LRRC4C: variants seen among roughly 807,000 people sequenced by gnomAD.
LRRC4C encodes leucine-rich repeat-containing protein 4C.
LRRC4C carries 5 observed loss-of-function variants against 33.6 expected under a neutral mutation model. The observed-to-expected ratio is 0.15, with a 90% confidence interval of 0.08 to 0.31. The LOEUF (loss-of-function observed/expected upper bound fraction) is 0.31. LRRC4C is among the 10% of genes least tolerant of loss of function. The pLI, the probability that LRRC4C is intolerant of heterozygous loss-of-function variation, is 1.00. For missense variants in LRRC4C, 560 were observed against 796.7 expected (o/e 0.70, Z 3.58); for synonymous variants, 329 against 302.0 (o/e 1.09, Z -0.93).
At chr11:40,190,778 A>G (rs1160855374) in intron 5 of LRRC4C, among the ~76,000 whole-genome samples, 2 of 152,170 alleles carry the variant, frequency 1.3e-5, no homozygotes, top group Non-Finnish European at 2.9e-5. Context: ...GTCTAGCCTG[A>G]GTCAGAGAAT....
intron 1 of LRRC4C, among the ~76,000 whole-genome samples, chr11:41,021,210 A>AGTGT (rs1429047906): frequency 7.5e-6 from 1 of 133,510 alleles, no homozygotes; most frequent in African/African-American, 2.8e-5. Flanking sequence ...AGAGAGAGAG[A>AGTGT]GAGAGTGTGT....
chr11:40,565,383 TG>T (rs1957715276), intron 3 of LRRC4C, among the ~76,000 whole-genome samples: 1 of 152,204 alleles, frequency 6.6e-6, no homozygotes, highest in African/African-American at 2.4e-5. Context: ...AATTTCAAGA[TG>T]TACTGTAGAG....
At chr11:40,547,410 G>T (rs547622695) in intron 3 of LRRC4C, among the ~76,000 whole-genome samples, 2 of 152,012 alleles carry the variant, frequency 1.3e-5, no homozygotes, top group African/African-American at 4.8e-5. Context: ...ATCCAGCATG[G>T]TACGCAAGGG....
At chr11:40,431,925 G>T (rs1048257138) in intron 3 of LRRC4C, among the ~76,000 whole-genome samples, 5 of 152,076 alleles carry the variant, frequency 3.3e-5, no homozygotes, top group Non-Finnish European at 5.9e-5. Flanking sequence ...ACCTACCCTT[G>T]CAGGCTAGTT....
intron 1 of LRRC4C, among the ~76,000 whole-genome samples, chr11:41,106,362 T>C (rs1052281434): frequency 2.0e-5 from 3 of 152,022 alleles, no homozygotes; most frequent in African/African-American, 4.8e-5. Flanking sequence ...ATGTATTATT[T>C]AGTGTCTATT....
chr11:41,087,060 T>C (rs1020398058), intron 1 of LRRC4C, among the ~76,000 whole-genome samples: 1 of 152,166 alleles, frequency 6.6e-6, no homozygotes, highest in Non-Finnish European at 1.5e-5. Context: ...ATTGTAAACA[T>C]GAACATGGAA....
At chr11:40,306,708 T>C (rs1043234931) in intron 4 of LRRC4C, among the ~76,000 whole-genome samples, 1 of 152,234 alleles carries the variant, frequency 6.6e-6, no homozygotes, top group Non-Finnish European at 1.5e-5. Context: ...CAGCACTTCA[T>C]GTGCACTGTC....
At chr11:41,422,974 C>A (rs1312605955) in intron 1 of LRRC4C, among the ~76,000 whole-genome samples, 3 of 151,984 alleles carry the variant, frequency 2.0e-5, no homozygotes, top group Admixed American at 2.0e-4. Flanking sequence ...GAAATACATT[C>A]ATTTCTATTT....
chr11:40,355,236 G>A (rs926396654), intron 3 of LRRC4C, among the ~76,000 whole-genome samples: 3 of 152,076 alleles, frequency 2.0e-5, no homozygotes, highest in African/African-American at 7.2e-5. Context: ...CTCTCCTCAT[G>A]CAAAATGAAG....
At chr11:40,615,849 T>C (rs376711597) in intron 3 of LRRC4C, among the ~76,000 whole-genome samples, 6 of 151,798 alleles carry the variant, frequency 4.0e-5, no homozygotes, top group African/African-American at 1.4e-4. Context: ...TTACAGTGAA[T>C]GTTGGGCACA....
intron 3 of LRRC4C, among the ~76,000 whole-genome samples, chr11:40,417,970 A>G (rs1229354320): frequency 1.3e-5 from 2 of 152,216 alleles, no homozygotes; most frequent in Non-Finnish European, 2.9e-5. Flanking sequence ...TTCAGAATAA[A>G]TTCTGATGTC....
intron 1 of LRRC4C, among the ~76,000 whole-genome samples, chr11:41,002,243 T>C (rs566452736): frequency 6.6e-6 from 1 of 152,304 alleles, no homozygotes; most frequent in African/African-American, 2.4e-5. Flanking sequence ...ATCCATAAAC[T>C]TATATTGAGA....
chr11:41,379,628 T>A (rs888362533), intron 1 of LRRC4C, among the ~76,000 whole-genome samples: 4 of 152,086 alleles, frequency 2.6e-5, no homozygotes, highest in Non-Finnish European at 5.9e-5. Context: ...CCCAGGGCCT[T>A]TATTCACAGC....
intron 1 of LRRC4C, among the ~76,000 whole-genome samples, chr11:41,344,361 C>A (rs187664625): frequency 2.0e-5 from 3 of 151,438 alleles, no homozygotes; most frequent in East Asian, 2.0e-4. Flanking sequence ...GCTGGGAGTA[C>A]AGGCGCCCGC....
chr11:41,426,743 T>G (rs1955056456), intron 1 of LRRC4C, among the ~76,000 whole-genome samples: 1 of 152,178 alleles, frequency 6.6e-6, no homozygotes, highest in South Asian at 2.1e-4. Flanking sequence ...GACTTTCTTG[T>G]CAGTTCTTTG....
intron 2 of LRRC4C, among the ~76,000 whole-genome samples, chr11:40,791,179 G>A (rs541992271): frequency 6.6e-6 from 1 of 152,100 alleles, no homozygotes; most frequent in Non-Finnish European, 1.5e-5. Context: ...CTGGTATATG[G>A]GAATAAAGTT....
chr11:41,239,633 A>G (rs1208806708), intron 1 of LRRC4C, among the ~76,000 whole-genome samples: 2 of 152,104 alleles, frequency 1.3e-5, no homozygotes, highest in Non-Finnish European at 2.9e-5. Context: ...TTGTATTTAC[A>G]TACTCCATTC....
intron 1 of LRRC4C, among the ~76,000 whole-genome samples, chr11:41,395,435 C>T (rs1953770730): frequency 6.6e-6 from 1 of 151,916 alleles, no homozygotes; most frequent in Admixed American, 6.6e-5. Context: ...TAAATAGCAG[C>T]TGTGGCAACA....
Position 40,952,890 on chromosome 11 carries a change from ACACACACTCT to A in LRRC4C, c.-495-19177_-495-19168del, listed in dbSNP as rs1472855499. 4.7e-3 allele frequency among the ~76,000 whole-genome samples: 239 copies of A among 50,410 alleles called. 2 individuals carry two copies. Among genetic ancestry groups the A allele is most frequent in the East Asian group, 0.015 (18 of 1,180 alleles). 33.1% of individuals were successfully genotyped at this position (50,410 alleles called of 152,430 possible). ...CACACACACACACACACACACACAC[ACACACACTCT>A]CTCTCTCTCTCTCTCTCTCTCTCTT... On this transcript the variant is annotated intron_variant, in intron 1 of 6. Transcript: ENST00000528697.
Sources: gnomAD v4.1 joint callset for allele counts (sites outside exome capture counted in the v4.1 genomes callset) on GRCh38, gnomAD v4.1.1 for gene constraint, MANE v1.5 for transcripts, NCBI Gene and HGNC (gene_info 2026-07-23, HGNC 2026-07-21) for gene names.